The following PTPRD variants were observed in gnomAD, a reference collection of about 807,000 sequenced individuals.
PTPRD encodes protein tyrosine phosphatase receptor type D.
PTPRD carries 34 observed loss-of-function variants against 214.5 expected under a neutral mutation model. The observed-to-expected ratio is 0.16, with a 90% confidence interval of 0.12 to 0.21. The LOEUF is 0.21. PTPRD is among the 10% of genes least tolerant of loss of function. The probability of loss-of-function intolerance (pLI) is 1.00; values close to 1 mark genes in which losing one functional copy is unlikely to be tolerated. For missense variants in PTPRD, 2,545 were observed against 2,398.7 expected, an observed-to-expected ratio of 1.06 and a Z score of -1.27; for synonymous variants, 1,128 against 845.7, an observed-to-expected ratio of 1.33 and a Z score of -5.79.
At chr9:9,733,159 A>G (rs758880543) in intron 7 of PTPRD, among the ~76,000 whole-genome samples, 11 of 152,214 alleles carry the variant, frequency 7.2e-5, no homozygotes, top group Non-Finnish European at 1.6e-4. Flanking sequence ...AAGTTATGAC[A>G]GAACATTTTA....
At chr9:10,523,081 T>G (rs2134261145) in intron 2 of PTPRD, among the ~76,000 whole-genome samples, 1 of 152,220 alleles carries the variant, frequency 6.6e-6, no homozygotes. Flanking sequence ...TAATGCAGCC[T>G]AATGAACATG....
At chr9:9,326,052 C>G (rs926085469) in intron 9 of PTPRD, among the ~76,000 whole-genome samples, 5 of 151,986 alleles carry the variant, frequency 3.3e-5, no homozygotes, top group Admixed American at 6.6e-5. Flanking sequence ...CCAACTCGAT[C>G]TTGGTGGATA....
chr9:9,558,360 C>T (rs1190573368), intron 8 of PTPRD, among the ~76,000 whole-genome samples: 1 of 152,164 alleles, frequency 6.6e-6, no homozygotes, highest in African/African-American at 2.4e-5. Flanking sequence ...ATGTAAACAT[C>T]CTAACTTGGC....
intron 11 of PTPRD, among the ~76,000 whole-genome samples, chr9:8,848,169 A>G (rs1053487313): frequency 6.6e-6 from 1 of 151,990 alleles, no homozygotes; most frequent in African/African-American, 2.4e-5. Context: ...GGCCATCTGC[A>G]GAAAAAAAAG....
At chr9:8,625,973 GT>G (rs1231705083) in intron 14 of PTPRD, among the ~76,000 whole-genome samples, 3 of 151,208 alleles carry the variant, frequency 2.0e-5, no homozygotes, top group African/African-American at 7.3e-5. Flanking sequence ...ACAAGTCATT[GT>G]TTTTTTAATA....
intron 2 of PTPRD, among the ~76,000 whole-genome samples, chr9:10,386,703 A>G (rs1387766296): frequency 2.0e-5 from 3 of 151,834 alleles, no homozygotes; most frequent in Admixed American, 2.0e-4. Flanking sequence ...AAAAACAGAG[A>G]GAGAGAGAGA....
intron 14 of PTPRD, among the ~76,000 whole-genome samples, chr9:8,577,425 T>C (rs1368098597): frequency 1.3e-5 from 2 of 151,920 alleles, no homozygotes; most frequent in Admixed American, 6.6e-5. Flanking sequence ...CCAGAAAAAA[T>C]TGTATTTTTA....
intron 39 of PTPRD, among the ~76,000 whole-genome samples, chr9:8,369,293 T>C (rs1453355445): frequency 6.6e-6 from 1 of 152,122 alleles, no homozygotes; most frequent in Non-Finnish European, 1.5e-5. Context: ...AATCTTTCTT[T>C]TGACTTTGAA....
intron 9 of PTPRD, among the ~76,000 whole-genome samples, chr9:9,217,491 C>T (rs908130305): frequency 1.3e-5 from 2 of 152,076 alleles, no homozygotes; most frequent in African/African-American, 4.8e-5. Flanking sequence ...TTTGACACAG[C>T]AATTACCTTA....
intron 12 of PTPRD, among the ~76,000 whole-genome samples, chr9:8,695,688 T>A (rs72700375): frequency 2.0e-5 from 3 of 152,158 alleles, no homozygotes; most frequent in African/African-American, 7.2e-5. Flanking sequence ...CTTCATAGAA[T>A]CACAAAATTC....
chr9:8,688,840 C>T lies in PTPRD; in HGVS notation c.64+44940G>A, dbSNP rs117839307. Among the ~76,000 whole-genome samples, 22 of 152,208 alleles carry T rather than the reference C, an allele frequency of 1.4e-4. No individual in the cohort carries two copies. The East Asian group carries it at 3.1e-3, about 21-fold the overall frequency. On this transcript the variant is annotated intron_variant, in intron 12 of 45. Transcript: ENST00000381196. The stretch of plus-strand genomic sequence containing the variant: ...TCTCAATTTTCTCATCCATGAAAAA[C>T]GAATGGTTTTATCCAAATAATCTCT...
At chr9:10,523,622 T>TATATATATATCTATATATATAC in intron 2 of PTPRD, among the ~76,000 whole-genome samples, 1 of 131,384 alleles carries the variant, frequency 7.6e-6, no homozygotes, top group Non-Finnish European at 1.6e-5. Flanking sequence ...TATATATATA[T>TATATATATATCTATATATATAC]AGACAGAAAG....
At chr9:8,367,823 CTTCT>C (rs887637549) in intron 39 of PTPRD, among the ~76,000 whole-genome samples, 11 of 152,124 alleles carry the variant, frequency 7.2e-5, no homozygotes, top group African/African-American at 1.9e-4. Flanking sequence ...CATTTGTTGA[CTTCT>C]TTCTATGTAA....
intron 3 of PTPRD, among the ~76,000 whole-genome samples, chr9:10,071,573 A>G (rs1271416654): frequency 6.6e-6 from 1 of 152,110 alleles, no homozygotes; most frequent in Non-Finnish European, 1.5e-5. Flanking sequence ...ATGCAAAAAA[A>G]GGAAAGAAAC....
intron 9 of PTPRD, among the ~76,000 whole-genome samples, chr9:9,357,598 G>A (rs932757411): frequency 3.5e-4 from 53 of 151,270 alleles, no homozygotes; most frequent in African/African-American, 1.2e-3. Flanking sequence ...AGAGCAGTGT[G>A]AGGTAGCAAG....
At chr9:8,455,736 G>C (rs72692931) in intron 33 of PTPRD, among the ~76,000 whole-genome samples, 5,967 of 152,216 alleles carry the variant, frequency 0.039, 180 homozygotes, top group Non-Finnish European at 0.06. Flanking sequence ...AGTGTGCCAG[G>C]TTAAAAAGAA....
chr9:9,765,364 C>A (rs112792254), intron 6 of PTPRD, among the ~76,000 whole-genome samples: 3 of 152,138 alleles, frequency 2.0e-5, no homozygotes, highest in Admixed American at 6.5e-5. Context: ...TGAGATAGAA[C>A]AGGCATCAAT....
intron 11 of PTPRD, among the ~76,000 whole-genome samples, chr9:8,968,195 A>G (rs1339820498): frequency 6.6e-6 from 1 of 152,236 alleles, no homozygotes; most frequent in South Asian, 2.1e-4. Flanking sequence ...TGCTATTGTG[A>G]ATAGTGCTGC....
chr9:9,154,131 G>T (rs963557252), intron 10 of PTPRD, among the ~76,000 whole-genome samples: 1 of 152,122 alleles, frequency 6.6e-6, no homozygotes, highest in African/African-American at 2.4e-5. Flanking sequence ...CCTGGGAGCT[G>T]CAACTCCGTC....
Sources: allele counts gnomAD v4.1 joint callset (sites outside exome capture counted in the v4.1 genomes callset), GRCh38; gene constraint gnomAD v4.1.1; transcripts MANE v1.5; gene names NCBI Gene and HGNC (gene_info 2026-07-23, HGNC 2026-07-21).